The following CNST variants were observed in gnomAD, a reference collection of about 807,000 sequenced individuals.
The protein encoded by CNST is consortin.
CNST carries 39 observed loss-of-function variants against 72.4 expected under a neutral mutation model. The observed-to-expected ratio is 0.54, with a 90% CI of 0.42 to 0.70. The LOEUF is 0.70. CNST is among the 30% of genes least tolerant of loss of function. The pLI, the probability that CNST is intolerant of heterozygous loss-of-function variation, is 0.00. For synonymous variants in CNST, 332 were observed against 320.1 expected (o/e 1.04, Z -0.40); for missense variants, 871 against 868.5 (o/e 1.00, Z -0.04).
chr1:246,604,497 T>C (rs985624346), intron 2 of CNST, among the ~76,000 whole-genome samples: 108 of 152,144 alleles, frequency 7.1e-4, no homozygotes, highest in Non-Finnish European at 2.9e-4. Flanking sequence ...ATTTCATTAA[T>C]TGCAAAGAGA....
intron 1 of CNST, among the ~76,000 whole-genome samples, chr1:246,581,060 TA>T (rs1255401632): frequency 6.6e-6 from 1 of 151,764 alleles, no homozygotes; most frequent in Non-Finnish European, 1.5e-5. Flanking sequence ...TTATAGCATG[TA>T]AAAAAAATGT....
intron 2 of CNST, among the ~76,000 whole-genome samples, chr1:246,618,608 C>A (rs991260959): frequency 2.6e-5 from 4 of 152,144 alleles, no homozygotes; most frequent in African/African-American, 9.7e-5. Context: ...CCCATTAGCC[C>A]CCTGCTGCTC....
intron 2 of CNST, among the ~76,000 whole-genome samples, chr1:246,598,133 C>T (rs539343613): frequency 1.1e-4 from 17 of 150,864 alleles, no homozygotes; most frequent in Middle Eastern, 3.4e-3. Context: ...AAGCGCATGC[C>T]GCTGCGCTCA....
chr1:246,576,975 A>G lies in CNST; in HGVS notation c.-52+10312A>G, dbSNP rs189709232. ...CAGAGTGGAAACATTTGGAAGTCTC[A>G]TTCTAACATGTTTTTACCTTAAAAT... On this transcript the variant is annotated intron_variant, in intron 1 of 10. Transcript: ENST00000366513. Among the ~76,000 whole-genome samples the G allele has an allele frequency of 3.9e-3, 599 of 152,180 alleles. 10 individuals are homozygous for G. Among genetic ancestry groups the G allele is most frequent in the African/African-American group, 0.014 (575 of 41,428 alleles).
intron 1 of CNST, among the ~76,000 whole-genome samples, chr1:246,583,574 G>GT (rs1255099000): frequency 6.6e-6 from 1 of 152,166 alleles, no homozygotes; most frequent in Non-Finnish European, 1.5e-5. Flanking sequence ...TTGCCTCATT[G>GT]TATTTAGTAT....
chr1:246,578,637 C>G (rs1004364518), intron 1 of CNST, among the ~76,000 whole-genome samples: 1 of 151,964 alleles, frequency 6.6e-6, no homozygotes, highest in Non-Finnish European at 1.5e-5. Context: ...TGCCACTGCA[C>G]TCCAGCCTAG....
At chr1:246,639,245 T>C (rs1390775683) in intron 6 of CNST, among the ~76,000 whole-genome samples, 1 of 151,974 alleles carries the variant, frequency 6.6e-6, no homozygotes, top group African/African-American at 2.4e-5. Flanking sequence ...GGGGCTGAGA[T>C]GAGAGCCTTC....
chr1:246,664,026 G>T (rs1667254528), intron 10 of CNST, among the ~76,000 whole-genome samples: 1 of 152,094 alleles, frequency 6.6e-6, no homozygotes, highest in South Asian at 2.1e-4. Flanking sequence ...ATTAGGTTTT[G>T]TAAAATTTGT....
At chr1:246,579,029 CTT>C (rs1660624099) in intron 1 of CNST, among the ~76,000 whole-genome samples, 1 of 152,210 alleles carries the variant, frequency 6.6e-6, no homozygotes, top group African/African-American at 2.4e-5. Context: ...ATAAATGTGT[CTT>C]GTTATTCTCA....
rs770181134 is a variant in CNST at position 246,566,464 on chromosome 1, G to A, written c.-251G>A. On this transcript the variant is annotated 5_prime_UTR_variant, in exon 1 of 11. Coordinates refer to ENST00000366513, the MANE Select transcript of CNST (RefSeq NM_152609.3). ...CCAGTGCTCTATGCTCCGCGGTCGC[G>A]GGCCGCCAGCCTCCAGCCGGCCAGC... 5.9e-5 allele frequency: 26 copies of A among 439,698 alleles called. No individual in the cohort carries two copies. The highest frequency in any genetic ancestry group is 7.7e-5 in the Non-Finnish European group (19 of 247,462). The allele number at this position is 439,698 out of a possible 1,614,324, so 27.2% of individuals were successfully genotyped here. A position where few individuals can be genotyped will look rare whatever the true frequency, so the allele number is the denominator to read the frequency against.
rs139281873 is a variant in CNST at position 246,592,226 on chromosome 1, C to T, written c.379+285C>T. On this transcript the variant is annotated intron_variant, in intron 2 of 10. Transcript: ENST00000366513. ...TGCTGAGGCCGGGTACGGTGGCTCACGCCTGTAATTAGCACTTTGGGAGGC... is the reference window on the plus strand; with the variant it reads ...TGCTGAGGCCGGGTACGGTGGCTCATGCCTGTAATTAGCACTTTGGGAGGC... Among the ~76,000 whole-genome samples, 322 of 152,258 alleles carry T rather than the reference C, an allele frequency of 2.1e-3. 3 individuals carry two copies. The highest frequency in any genetic ancestry group is 7.4e-3 in the African/African-American group (306 of 41,546).
intron 9 of CNST, among the ~76,000 whole-genome samples, chr1:246,653,704 C>T (rs115594287): frequency 0.023 from 3,552 of 152,268 alleles, 146 homozygotes; most frequent in African/African-American, 0.081. Flanking sequence ...ATGTCTCTTG[C>T]GCAAAGCTCT....
At chr1:246,651,272 C>T (rs1000130580) in intron 9 of CNST, among the ~76,000 whole-genome samples, 1 of 152,194 alleles carries the variant, frequency 6.6e-6, no homozygotes, top group Non-Finnish European at 1.5e-5. Flanking sequence ...CACCCCTCCA[C>T]GCTGCTGTGC....
At chr1:246,638,634 G>C (rs192532151) in intron 6 of CNST, among the ~76,000 whole-genome samples, 1 of 152,262 alleles carries the variant, frequency 6.6e-6, no homozygotes, top group Non-Finnish European at 1.5e-5. Flanking sequence ...TGGTTCCTAG[G>C]GGGAGCAGAT....
intron 2 of CNST, among the ~76,000 whole-genome samples, chr1:246,618,096 CTTGTA>C (rs1321888472): frequency 6.6e-6 from 1 of 152,174 alleles, no homozygotes; most frequent in Non-Finnish European, 1.5e-5. Flanking sequence ...CTAGAAGATA[CTTGTA>C]TTAGGTGGGT....
intron 5 of CNST, 49 bp from the exon 6 acceptor site, chr1:246,634,424 C>A: frequency 8.8e-7 from 1 of 1,142,382 alleles, no homozygotes. Flanking sequence ...TTTTTTGCTC[C>A]TAAATATGTT....
At chr1:246,634,161 C>T (rs553580632) in intron 5 of CNST, 151 bp downstream of exon 5, 9 of 616,080 alleles carry the variant, frequency 1.5e-5, no homozygotes, top group African/African-American at 1.8e-5. Flanking sequence ...ATTTTTACCA[C>T]AAGTCTATTA....
chr1:246,646,411 C>T (rs1666075935), intron 8 of CNST, among the ~76,000 whole-genome samples: 1 of 152,048 alleles, frequency 6.6e-6, no homozygotes, highest in Admixed American at 6.5e-5. Context: ...ACTTTTCTTA[C>T]ATTTAAAATG....
intron 7 of CNST, 33 bp from the exon 8 acceptor site, chr1:246,641,907 CA>C: frequency 1.3e-6 from 2 of 1,533,850 alleles, no homozygotes; most frequent in Admixed American, 1.8e-5. Context: ...ACAGTTTCCC[CA>C]AAAGTTGGGT....
Sources: allele counts gnomAD v4.1 joint callset (sites outside exome capture counted in the v4.1 genomes callset), GRCh38; gene constraint gnomAD v4.1.1; transcripts MANE v1.5; gene names NCBI Gene and HGNC (gene_info 2026-07-23, HGNC 2026-07-21).